The following IGF2R variants were observed in gnomAD, a reference collection of about 807,000 sequenced individuals.
IGF2R encodes the protein cation-independent mannose-6-phosphate receptor.
A neutral mutation model predicts 270.6 loss-of-function variants in IGF2R; 91 were observed. The ratio of observed to expected loss-of-function variants is 0.34; its 90% CI spans 0.28 to 0.40. IGF2R has a LOEUF of 0.40. IGF2R is among the 10% of genes least tolerant of loss of function. The pLI is 1.00. For missense variants in IGF2R, 2,805 were observed against 3,188.3 expected, an observed-to-expected ratio of 0.88 and a Z score of 2.90; for synonymous variants, 1,316 against 1,258.9, an observed-to-expected ratio of 1.05 and a Z score of -0.96.
chr6:160,034,534 C>T lies in IGF2R; in HGVS notation c.1315+12C>T. On this transcript the variant is annotated intron_variant, in intron 10 of 47. Coordinates refer to ENST00000356956, the MANE Select transcript of IGF2R (RefSeq NM_000876.4). The stretch of plus-strand genomic sequence containing the variant: ...CAATAAAACCGCAGGTAAGTGTGCG[C>T]TGGAGTTCAGCCCCTCCTCTTTGCA... The T allele has an allele frequency of 6.4e-7, 1 of 1,553,892 alleles. No homozygotes were observed. Among genetic ancestry groups the T allele is most frequent in the African/African-American group, 1.4e-5 (1 of 73,878 alleles).
chr6:160,009,118 T>A lies in IGF2R; in HGVS notation c.398T>A (p.Leu133Gln). 2.5e-6 allele frequency: 4 copies of A among 1,613,864 alleles called. No individual in the cohort carries two copies. Among genetic ancestry groups the A allele is most frequent in the Non-Finnish European group, 3.4e-6 (4 of 1,179,918 alleles). Residue 133 changes from leucine (L) to glutamine (Q), a missense_variant, in exon 3 of 48, where the codon CTG becomes CAG. Around this residue, in one of 2 missense-constraint regions of IGF2R, gnomAD observed 954 missense variants for 981.1 expected, o/e 0.97. Transcript: ENST00000356956. ...AGAGTCCAGAGCAGCATTGCCTTCCTGTGTGGGAAAACCCTGGTGAGTCCA... is the reference window on the plus strand; with the variant it reads ...AGAGTCCAGAGCAGCATTGCCTTCCAGTGTGGGAAAACCCTGGTGAGTCCA... ...NHRVQSSIAF[L>Q]CGKTLGTPEF...
chr6:160,048,116 C>T lies in IGF2R; in HGVS notation c.2345+209C>T, dbSNP rs1009996218. ...ACCAGTCTTGGCCACAGCAGAGCCT[C>T]GGCCTTTAGCTTCATCATTTAAAAC... is the stretch of plus-strand genomic sequence containing the variant. On this transcript the variant is annotated intron_variant, in intron 17 of 47. Transcript: ENST00000356956. Among the ~76,000 whole-genome samples, 37 of 152,176 alleles carry T rather than the reference C, an allele frequency of 2.4e-4. 1 individual carries two copies. Among genetic ancestry groups the T allele is most frequent in the Admixed American group, 1.7e-3 (26 of 15,280 alleles).
rs1191419266 is a variant in IGF2R at position 160,068,234 on chromosome 6, T to C, written c.4116-15T>C. On this transcript the variant is annotated splice_polypyrimidine_tract_variant and intron_variant, in intron 29 of 47. Coordinates refer to ENST00000356956, the MANE Select transcript of IGF2R (RefSeq NM_000876.4). ...ACGACCAAGCCTAACTAACTGCGGG[T>C]TTTCTTCTTTTCAGAGATGGGGCTG... 1 of 1,613,716 alleles carries C rather than the reference T, an allele frequency of 6.2e-7. No individual in the cohort carries two copies. The highest frequency in any genetic ancestry group is 1.3e-5 in the African/African-American group (1 of 74,898).
intron 29 of IGF2R, among the ~76,000 whole-genome samples, chr6:160,065,460 G>A (rs79669113): frequency 0.013 from 1,968 of 152,210 alleles, 29 homozygotes; most frequent in South Asian, 0.03. Flanking sequence ...TTGTGTCATC[G>A]GTTATTTATG....
At chr6:159,988,528 A>G (rs1783925704) in intron 1 of IGF2R, among the ~76,000 whole-genome samples, 1 of 151,752 alleles carries the variant, frequency 6.6e-6, no homozygotes, top group Non-Finnish European at 1.5e-5. Context: ...AAAAAAAAAA[A>G]AAAAAAAAGA....
intron 21 of IGF2R, among the ~76,000 whole-genome samples, chr6:160,058,456 C>A (rs1432362209): frequency 6.6e-6 from 1 of 152,154 alleles, no homozygotes; most frequent in Non-Finnish European, 1.5e-5. Flanking sequence ...GCATAATTGA[C>A]TTCATTTTTA....
At chr6:160,043,867 A>G (rs915012590) in intron 12 of IGF2R, among the ~76,000 whole-genome samples, 2 of 152,252 alleles carry the variant, frequency 1.3e-5, no homozygotes, top group Non-Finnish European at 2.9e-5. Context: ...AAAAGCATTC[A>G]ATAAGGAATT....
rs1483039195 is a variant in IGF2R, at chr6:160,064,441, A to G, written c.3927A>G (p.Leu1309=). 1 of 1,614,134 alleles carries G rather than the reference A, an allele frequency of 6.2e-7. No individual in the cohort carries two copies. The highest frequency in any genetic ancestry group is 8.5e-7 in the Non-Finnish European group (1 of 1,179,986). Residue 1309 remains leucine (L), a synonymous_variant, in exon 28 of 48, where the codon TTA becomes TTG. Transcript: ENST00000356956. ...TQKLTYENGL[L]KMNFTGGDTC... ...AGCTAACTTATGAAAATGGCTTGTT[A>G]AAAATGAACTTCACGGGGGGGGACA...
At chr6:160,031,537 C>G (rs917856742) in intron 7 of IGF2R, among the ~76,000 whole-genome samples, 1 of 151,972 alleles carries the variant, frequency 6.6e-6, no homozygotes, top group South Asian at 2.1e-4. Flanking sequence ...GTGGATTGGC[C>G]TTTTTTGGAT....
rs1583292354 is a variant in IGF2R, at chr6:160,072,114, A to T, written c.4570+78A>T. 7 of 1,580,840 alleles carry T rather than the reference A, an allele frequency of 4.4e-6. No individual in the cohort carries two copies. The East Asian group carries it at 1.6e-4, about 35-fold the overall frequency. ...CACCAAACCCAGCTCATCAGGGGAG[A>T]GACCCAAAGAGAAGCTATGGGCAGC... On this transcript the variant is annotated intron_variant, in intron 32 of 47. Transcript: ENST00000356956.
Position 160,088,026 on chromosome 6 carries a change from G to A in IGF2R, c.6206-7G>A. 1.3e-6 allele frequency: 2 copies of A among 1,556,808 alleles called. No individual in the cohort carries two copies. Among genetic ancestry groups the A allele is most frequent in the Non-Finnish European group, 1.8e-6 (2 of 1,127,652 alleles). The stretch of plus-strand genomic sequence containing the variant: ...ATAATGTCAGTTCAATCATTTGTGT[G>A]TTTCAGGTGACAAAGTTGTTGTCAC... On this transcript the variant is annotated splice_polypyrimidine_tract_variant and splice_region_variant and intron_variant, in intron 41 of 47. Transcript: ENST00000356956.
chr6:160,081,986 C>T (rs757032815), intron 39 of IGF2R, among the ~76,000 whole-genome samples: 12 of 152,200 alleles, frequency 7.9e-5, no homozygotes, highest in Non-Finnish European at 1.5e-4. Flanking sequence ...ACATCCTCAG[C>T]TTACGAAGAT....
intron 29 of IGF2R, among the ~76,000 whole-genome samples, chr6:160,066,792 A>G (rs759148912): frequency 6.6e-6 from 1 of 151,800 alleles, no homozygotes; most frequent in Non-Finnish European, 1.5e-5. Context: ...TGTTAGTTCT[A>G]TTTCTGTTTC....
chr6:160,077,673 A>G (rs1778883322), intron 36 of IGF2R, among the ~76,000 whole-genome samples: 3 of 152,234 alleles, frequency 2.0e-5, no homozygotes, highest in Admixed American at 2.0e-4. Context: ...TCATAGGGAA[A>G]AAGATGCTTA....
chr6:160,026,646 C>T (rs1777566323), intron 5 of IGF2R, among the ~76,000 whole-genome samples: 1 of 152,234 alleles, frequency 6.6e-6, no homozygotes, highest in Non-Finnish European at 1.5e-5. Flanking sequence ...TACTGGCAAT[C>T]TGTAAAGCCT....
chr6:160,100,190 G>T (rs932280203), intron 45 of IGF2R, among the ~76,000 whole-genome samples: 4 of 152,074 alleles, frequency 2.6e-5, no homozygotes, highest in Non-Finnish European at 5.9e-5. Context: ...GACTAAACTT[G>T]TCAGCTAAAA....
In IGF2R at chr6:160,046,566, G is replaced by A. The variant is rs1234452122; in HGVS notation, c.1972G>A (p.Asp658Asn). The A allele has an allele frequency of 6.2e-7, 1 of 1,613,958 alleles. No homozygotes were observed. The highest frequency in any genetic ancestry group is 8.5e-7 in the Non-Finnish European group (1 of 1,180,028). ...GAYKVETKKY[D>N]FYINVCGPVS... Reference sequence around the variant, plus strand: ...CTATAAAGTTGAGACAAAGAAGTATGACTTTTATATAAATGTGTGTGGCCC... The same window carrying A: ...CTATAAAGTTGAGACAAAGAAGTATAACTTTTATATAAATGTGTGTGGCCC... The change falls in exon 15 of 48, where the codon GAC becomes AAC. Residue 658 changes from aspartate to asparagine, a missense_variant. Asp to Asn is a conservative substitution (Grantham distance 23, BLOSUM62 1). This residue lies in a region of IGF2R where 954 missense variants were observed against 981.1 expected (regional missense o/e 0.97). Coordinates refer to ENST00000356956, the MANE Select transcript of IGF2R (RefSeq NM_000876.4).
In IGF2R at chr6:160,076,607, A is replaced by T. The variant is rs145251805; in HGVS notation, c.5316+611A>T. Among the ~76,000 whole-genome samples the T allele has an allele frequency of 3.7e-3, 563 of 152,340 alleles. 5 individuals carry two copies. Among genetic ancestry groups the T allele is most frequent in the African/African-American group, 0.013 (539 of 41,592 alleles). On this transcript the variant is annotated intron_variant, in intron 36 of 47. Coordinates refer to ENST00000356956, the MANE Select transcript of IGF2R (RefSeq NM_000876.4). ...CCCCTATTCCACAGGGACTCAGAGT[A>T]GCTCTGCAGGGGCAGAGCCAGGTCC...
Position 160,102,598 on chromosome 6 carries a change from G to T in IGF2R, c.6922G>T (p.Ala2308Ser), listed in dbSNP as rs73598446. The T allele has an allele frequency of 3.1e-6, 5 of 1,613,590 alleles. No individual in the cohort carries two copies. In the East Asian group the frequency reaches 8.9e-5, roughly 29 times the overall value. Reference protein sequence around the residue: ...GLSERSQAVGAVLSLLLVALT... With the variant: ...GLSERSQAVGSVLSLLLVALT... ...GTCAGAACGGAGCCAGGCAGTCGGC[G>T]CGGTGCTCAGCCTGCTGCTGGTGGC... Residue 2308 changes from alanine (A) to serine (S), a missense_variant, in exon 46 of 48, where the codon GCG becomes TCG. Physicochemically the swap from Ala to Ser is moderately conservative, Grantham distance 99. Coordinates refer to ENST00000356956, the MANE Select transcript of IGF2R (RefSeq NM_000876.4). The surrounding 1 kb of genome is among the most constrained non-coding windows in gnomAD (Gnocchi z 4.5).
Sources: allele counts gnomAD v4.1 joint callset (sites outside exome capture counted in the v4.1 genomes callset), GRCh38; gene constraint gnomAD v4.1.1; regional missense constraint gnomAD v4.1.1; non-coding constraint Gnocchi (gnomAD v3.1); transcripts MANE v1.5; gene names NCBI Gene and HGNC (gene_info 2026-07-23, HGNC 2026-07-21).